The following IL17RD variants were observed in gnomAD, a reference collection of about 807,000 sequenced individuals.
The protein encoded by IL17RD is interleukin-17 receptor D.
In IL17RD, 52 loss-of-function variants were observed where a neutral mutation model predicts 80.5. The ratio of observed to expected loss-of-function variants is 0.65; its 90% confidence interval spans 0.52 to 0.81. IL17RD has a LOEUF of 0.81. Ranked by LOEUF, IL17RD falls within the 40% of genes least tolerant of loss-of-function variation. The probability of loss-of-function intolerance (pLI) is 0.00; values close to 1 mark genes in which losing one functional copy is unlikely to be tolerated. For synonymous variants in IL17RD, 416 were observed against 391.8 expected (o/e 1.06, Z -0.73); for missense variants, 1,024 against 955.1 (o/e 1.07, Z -0.95).
At chr3:57,157,575 C>A (rs568110768) in intron 1 of IL17RD, among the ~76,000 whole-genome samples, 1 of 152,326 alleles carries the variant, frequency 6.6e-6, no homozygotes, top group Admixed American at 6.5e-5. Flanking sequence ...CTGTGCTGCA[C>A]CCAGAGCAAA....
intron 7 of IL17RD, among the ~76,000 whole-genome samples, chr3:57,105,240 A>C (rs1003463183): frequency 4.4e-4 from 67 of 152,164 alleles, no homozygotes; most frequent in African/African-American, 1.6e-3. Flanking sequence ...ATGAATGCTG[A>C]AAATATAAAA....
intron 3 of IL17RD, among the ~76,000 whole-genome samples, chr3:57,112,514 C>T (rs937332083): frequency 2.6e-5 from 4 of 152,182 alleles, no homozygotes; most frequent in Non-Finnish European, 4.4e-5. Context: ...CCCTACTGGT[C>T]GATGTTCAGT....
At chr3:57,163,596 A>G (rs1011546746) in intron 1 of IL17RD, among the ~76,000 whole-genome samples, 2 of 152,160 alleles carry the variant, frequency 1.3e-5, no homozygotes, top group African/African-American at 4.8e-5. Context: ...TCAAAAGCCA[A>G]TAGGAGTCTA....
intron 1 of IL17RD, 163 bp downstream of exon 1, chr3:57,164,998 G>A (rs1414245695): frequency 3.0e-6 from 4 of 1,337,272 alleles, no homozygotes; most frequent in East Asian, 3.2e-5. Context: ...ACGCGTCCGG[G>A]GAGGGAAACC....
intron 1 of IL17RD, among the ~76,000 whole-genome samples, chr3:57,149,013 A>G (rs1707996049): frequency 6.6e-6 from 1 of 152,208 alleles, no homozygotes; most frequent in African/African-American, 2.4e-5. Context: ...TCTTTGGAGA[A>G]GAAAAAGCAG....
Position 57,148,210 on chromosome 3 carries a change from A to C in IL17RD, c.126+16951T>G, listed in dbSNP as rs567092906. Among the ~76,000 whole-genome samples, 253 of 151,360 alleles carry C rather than the reference A, an allele frequency of 1.7e-3. 6 individuals are homozygous for C. Among genetic ancestry groups the C allele is most frequent in the Admixed American group, 0.015 (223 of 15,142 alleles). ...TGTGGTGGCGCACGCCTGTAATCTC[A>C]GCTACTCAGGAGGCTGAGGCAGGAG... On this transcript the variant is annotated intron_variant, in intron 1 of 12. Coordinates refer to ENST00000296318, the MANE Select transcript of IL17RD (RefSeq NM_017563.5).
intron 9 of IL17RD, 75 bp from the exon 10 acceptor site, chr3:57,102,664 TTAAACATAAGCCGCATAACAGGTTCTAG>T (rs1706863135): frequency 2.9e-6 from 2 of 683,048 alleles, no homozygotes; most frequent in Admixed American, 5.4e-5. Flanking sequence ...TTTTTTCTTT[TTAAACATAAGCCGCATAACAGGTTCTAG>T]GACCATGCAA....
chr3:57,100,476 T>G (rs1172378682), intron 11 of IL17RD, among the ~76,000 whole-genome samples: 1 of 152,222 alleles, frequency 6.6e-6, no homozygotes, highest in Non-Finnish European at 1.5e-5. Context: ...GAAAAGCATA[T>G]TAATAAGATA....
In IL17RD at chr3:57,097,870, C is replaced by G; in HGVS notation, c.1833G>C (p.Gly611=). Residue 611 remains glycine (G), a synonymous_variant, in exon 12 of 13, where the codon GGG becomes GGC. Transcript: ENST00000296318. Reference sequence around the variant, plus strand: ...GCTGGGAGTCGGCTGGTCCGGTTGCCCCAAGAACAGCCGCCTCTACCTTTA... The same window carrying G: ...GCTGGGAGTCGGCTGGTCCGGTTGCGCCAAGAACAGCCGCCTCTACCTTTA... ...FCLKVEAAVL[G]ATGPADSQHE... is the part of the protein sequence containing the mutation. 6.2e-7 allele frequency: 1 copy of G among 1,613,778 alleles called. No homozygotes were observed. Among genetic ancestry groups the G allele is most frequent in the Non-Finnish European group, 8.5e-7 (1 of 1,179,848 alleles).
chr3:57,156,436 G>A (rs144211175), intron 1 of IL17RD, among the ~76,000 whole-genome samples: 55 of 152,138 alleles, frequency 3.6e-4, no homozygotes, highest in Non-Finnish European at 7.2e-4. Context: ...TTGGTGGCAC[G>A]TGCCTGTAGT....
intron 1 of IL17RD, among the ~76,000 whole-genome samples, chr3:57,126,363 G>A (rs1238278309): frequency 6.6e-6 from 1 of 152,162 alleles, no homozygotes; most frequent in African/African-American, 2.4e-5. Flanking sequence ...CAACATAATG[G>A]AGAAAACATC....
At chr3:57,133,522 C>T (rs1707657697) in intron 1 of IL17RD, among the ~76,000 whole-genome samples, 1 of 152,172 alleles carries the variant, frequency 6.6e-6, no homozygotes, top group African/African-American at 2.4e-5. Flanking sequence ...TTTTAATTTC[C>T]TTGAACCACT....
At chr3:57,104,243 C>T (rs1166216900) in intron 8 of IL17RD, 99 bp downstream of exon 8, 1 of 812,352 alleles carries the variant, frequency 1.2e-6, no homozygotes, top group Admixed American at 2.3e-5. Context: ...CTGTGCACAC[C>T]TTCAATAGCT....
At chr3:57,135,558 C>T (rs1366307913) in intron 1 of IL17RD, among the ~76,000 whole-genome samples, 1 of 152,194 alleles carries the variant, frequency 6.6e-6, no homozygotes, top group African/African-American at 2.4e-5. Context: ...GAAGACTCTT[C>T]CAGACGGTCT....
At chr3:57,164,465 C>A (rs866060715) in intron 1 of IL17RD, among the ~76,000 whole-genome samples, 1 of 152,246 alleles carries the variant, frequency 6.6e-6, no homozygotes, top group Non-Finnish European at 1.5e-5. Context: ...AGGCACCTCA[C>A]CCAGATGACA....
intron 1 of IL17RD, among the ~76,000 whole-genome samples, chr3:57,143,706 T>C (rs1707873476): frequency 1.3e-5 from 2 of 152,188 alleles, no homozygotes; most frequent in Non-Finnish European, 2.9e-5. Context: ...CCCTTCTTCA[T>C]AGAGCTCCCA....
At chr3:57,148,596 A>G (rs1707985723) in intron 1 of IL17RD, among the ~76,000 whole-genome samples, 2 of 152,228 alleles carry the variant, frequency 1.3e-5, no homozygotes, top group South Asian at 4.1e-4. Context: ...TTTATAACAC[A>G]TTTGGAAAAG....
At chr3:57,134,018 A>G (rs140436952) in intron 1 of IL17RD, 2 of 317,410 alleles carry the variant, frequency 6.3e-6, no homozygotes, top group East Asian at 6.2e-5. Flanking sequence ...GAAGCTAACC[A>G]GAAAAGATTA....
intron 1 of IL17RD, among the ~76,000 whole-genome samples, chr3:57,151,091 C>T (rs548516332): frequency 1.3e-5 from 2 of 152,212 alleles, no homozygotes; most frequent in Admixed American, 6.5e-5. Flanking sequence ...ACTAAAAATG[C>T]ATTCATTACT....
Sources: allele counts gnomAD v4.1 joint callset (sites outside exome capture counted in the v4.1 genomes callset), GRCh38; gene constraint gnomAD v4.1.1; transcripts MANE v1.5; gene names NCBI Gene and HGNC (gene_info 2026-07-23, HGNC 2026-07-21).